The following ABCB4 variants were observed in gnomAD, a reference collection of about 807,000 sequenced individuals.
ABCB4 encodes the protein phosphatidylcholine translocator ABCB4.
In ABCB4, 76 loss-of-function variants were observed where a neutral mutation model predicts 145.7. The observed-to-expected ratio is 0.52, with a 90% CI of 0.43 to 0.63. ABCB4 has a LOEUF of 0.63. Among genes scored for constraint, ABCB4 ranks in the 30% least tolerant of loss-of-function variants. ABCB4 has a pLI of 0.00. For synonymous variants in ABCB4, 517 were observed against 566.8 expected, an observed-to-expected ratio of 0.91 and a Z score of 1.25; for missense variants, 1,234 against 1,553.1, an observed-to-expected ratio of 0.79 and a Z score of 3.45.
At position 87,403,167 on chromosome 7, in the gene ABCB4, C is replaced by T; in HGVS notation, c.3601G>A (p.Ala1201Thr). Residue 1201 changes from alanine (A) to threonine (T), a missense_variant, in exon 27 of 28, where the codon GCT becomes ACT. Around this residue, in one of 7 missense-constraint regions of ABCB4, gnomAD observed 6 missense variants for 31.3 expected, o/e 0.19. Coordinates refer to ENST00000649586, the MANE Select transcript of ABCB4 (RefSeq NM_000443.4). ...CTTTCAGTATCCAGAGCTGATGTAG[C>T]TTCATCCAACAGGAGGATTTGAGGT... ...RQPQILLLDE[A>T]TSALDTESEK... The T allele has an allele frequency of 1.2e-6, 2 of 1,614,058 alleles. No homozygotes were observed. The highest frequency in any genetic ancestry group is 1.7e-6 in the Non-Finnish European group (2 of 1,179,962).
intron 8 of ABCB4, 127 bp downstream of exon 8, chr7:87,449,841 G>A (rs1469502967): frequency 9.3e-6 from 13 of 1,396,218 alleles, no homozygotes; most frequent in Non-Finnish European, 1.3e-5. Flanking sequence ...TCAGTAAAGG[G>A]TGCTTATAAT....
chr7:87,444,956 A>G lies in ABCB4; in HGVS notation c.1025T>C (p.Ile342Thr). 3.7e-6 allele frequency: 6 copies of G among 1,603,552 alleles called. No individual in the cohort carries two copies. The highest frequency in any genetic ancestry group is 3.3e-5 in the South Asian group (3 of 90,794). ...NAMTVFFSILIGAFSVGQAAP... is the reference protein window; with the variant it reads ...NAMTVFFSILTGAFSVGQAAP... ...AGCCTGGCCAACACTGAAAGCTCCAATTAGGATTGAAAAAAAAACCTGAGC... is the reference window on the plus strand; with the variant it reads ...AGCCTGGCCAACACTGAAAGCTCCAGTTAGGATTGAAAAAAAAACCTGAGC... The change falls in exon 10 of 28, where the codon ATT becomes ACT. Residue 342 changes from isoleucine (I) to threonine (T), a missense_variant. Physicochemically the swap from Ile to Thr is moderately conservative, Grantham distance 89. This residue lies in a region of ABCB4 where 467 missense variants were observed against 632.8 expected (regional missense o/e 0.74). Coordinates refer to ENST00000649586, the MANE Select transcript of ABCB4 (RefSeq NM_000443.4).
At chr7:87,467,194 G>A (rs912805681) in intron 3 of ABCB4, among the ~76,000 whole-genome samples, 1 of 152,146 alleles carries the variant, frequency 6.6e-6, no homozygotes, top group Non-Finnish European at 1.5e-5. Context: ...AAAAGAAAGG[G>A]ATGGAGGAAG....
At chr7:87,374,377 C>T in the ABCB4 span, among the ~76,000 whole-genome samples, 14 of 151,826 alleles carry the variant, frequency 9.2e-5, no homozygotes, top group African/African-American at 2.9e-4. Context: ...CCTTGTAAAA[C>T]GAACATGAAA....
At position 87,463,232 on chromosome 7, in the gene ABCB4, A is replaced by G. The variant is rs545053091; in HGVS notation, c.136-324T>C. ...GTGGTAATAAAGAACGGCTAGGGAA[A>G]GACATTAAGTTTAAACACACACACA... On this transcript the variant is annotated intron_variant, in intron 3 of 27. Transcript: ENST00000649586. Among the ~76,000 whole-genome samples, 6 of 145,162 alleles carry G rather than the reference A, an allele frequency of 4.1e-5. No individual in the cohort carries two copies. In the East Asian group the frequency reaches 1.2e-3, roughly 29 times the overall value.
intron 3 of ABCB4, among the ~76,000 whole-genome samples, chr7:87,467,249 C>T (rs1053932968): frequency 1.3e-5 from 2 of 152,138 alleles, no homozygotes; most frequent in Non-Finnish European, 2.9e-5. Flanking sequence ...GGATTGCAAT[C>T]CTAGTCTCTG....
At chr7:87,392,577 G>T in the ABCB4 span, 1 of 1,612,966 alleles carries the variant, frequency 6.2e-7, no homozygotes, top group South Asian at 1.1e-5. Flanking sequence ...TTCGTGAGCG[G>T]CAGCAAAAGA....
chr7:87,378,907 C>T, the ABCB4 span, among the ~76,000 whole-genome samples: 6,955 of 152,262 alleles, frequency 0.046, 209 homozygotes, highest in Middle Eastern at 0.061. Flanking sequence ...AAGTAAATGT[C>T]TATTGGAGTA....
chr7:87,471,937 T>C (rs1463479750), intron 3 of ABCB4, among the ~76,000 whole-genome samples: 1 of 152,250 alleles, frequency 6.6e-6, no homozygotes, highest in African/African-American at 2.4e-5. Flanking sequence ...AATTACTTTC[T>C]TGAAATGCAA....
At chr7:87,461,733 G>A (rs1199912811) in intron 4 of ABCB4, among the ~76,000 whole-genome samples, 3 of 152,018 alleles carry the variant, frequency 2.0e-5, no homozygotes, top group South Asian at 2.1e-4. Flanking sequence ...ATTTTTAAAA[G>A]GCATTAATAT....
the ABCB4 span, among the ~76,000 whole-genome samples, chr7:87,385,345 T>G: frequency 6.6e-6 from 1 of 152,170 alleles, no homozygotes; most frequent in African/African-American, 2.4e-5. Flanking sequence ...GTCTTTCCAT[T>G]TTTTGGTGTT....
the ABCB4 span, chr7:87,382,652 G>C: frequency 2.7e-6 from 3 of 1,097,056 alleles, no homozygotes; most frequent in South Asian, 1.6e-5. Context: ...TTTTTTCCCA[G>C]CTGGTACTGT....
At chr7:87,462,550 G>T (rs1773307119) in intron 4 of ABCB4, among the ~76,000 whole-genome samples, 1 of 152,080 alleles carries the variant, frequency 6.6e-6, no homozygotes, top group Non-Finnish European at 1.5e-5. Context: ...TGTATTAAAA[G>T]TCAAACAACA....
intron 23 of ABCB4, 84 bp from the exon 24 acceptor site, chr7:87,409,476 A>T: frequency 7.0e-7 from 1 of 1,428,952 alleles, no homozygotes; most frequent in Non-Finnish European, 9.8e-7. Flanking sequence ...AGTGCTTACC[A>T]GTATTTTTTC....
intron 10 of ABCB4, among the ~76,000 whole-genome samples, chr7:87,444,511 T>C (rs1811209232): frequency 6.6e-6 from 1 of 152,122 alleles, no homozygotes; most frequent in African/African-American, 2.4e-5. Context: ...CGATAATTTA[T>C]CTACCCCCCA....
chr7:87,417,580 GC>G lies in ABCB4; in HGVS notation c.2479-66del, dbSNP rs5885584. 112,533 of 1,360,432 alleles carry G rather than the reference GC, an allele frequency of 0.083. 5,608 individuals are homozygous for G. The highest frequency in any genetic ancestry group is 0.18 in the African/African-American group (12,291 of 69,704). The allele number at this position is 1,360,432 out of a possible 1,614,324, so 84.3% of individuals were successfully genotyped here. On this transcript the variant is annotated intron_variant, in intron 20 of 27. Transcript: ENST00000649586. ...TCCAAATGCATGCGCTCCAGCCTTAGCCTCTTGGTCAGAATGATGAGTGGGT... is the reference window on the plus strand; with the variant it reads ...TCCAAATGCATGCGCTCCAGCCTTAGCTCTTGGTCAGAATGATGAGTGGGT...
chr7:87,429,774 T>C (rs1810075541), intron 15 of ABCB4, among the ~76,000 whole-genome samples: 1 of 152,168 alleles, frequency 6.6e-6, no homozygotes, highest in Non-Finnish European at 1.5e-5. Context: ...TTCCCTCCAC[T>C]GTAGAACACC....
chr7:87,403,203 G>C lies in ABCB4; in HGVS notation c.3565C>G (p.Leu1189Val), dbSNP rs766672265. Reference protein sequence around the residue: ...QKQRIAIARALIRQPQILLLD... With the variant: ...QKQRIAIARAVIRQPQILLLD... ...AGGAGGATTTGAGGTTGTCTGATGA[G>C]GGCTCGGGCAATAGCAATCCTCTGT... is the stretch of plus-strand genomic sequence containing the variant. Residue 1189 changes from leucine to valine, a missense_variant, in exon 27 of 28, where the codon CTC becomes GTC. Around this residue, in one of 7 missense-constraint regions of ABCB4, gnomAD observed 301 missense variants for 389.0 expected, o/e 0.77. Transcript: ENST00000649586. 6.3e-5 allele frequency: 101 copies of C among 1,613,920 alleles called. 1 individual carries two copies. Among genetic ancestry groups the C allele is most frequent in the Non-Finnish European group, 8.0e-5 (94 of 1,179,964 alleles).
At chr7:87,436,809 T>C (rs574704272) in intron 14 of ABCB4, among the ~76,000 whole-genome samples, 1 of 152,280 alleles carries the variant, frequency 6.6e-6, no homozygotes, top group South Asian at 2.1e-4. Flanking sequence ...CTCATCCTTT[T>C]TGAATGAGTA....
Sources: gnomAD v4.1 joint callset for allele counts (sites outside exome capture counted in the v4.1 genomes callset) on GRCh38, gnomAD v4.1.1 for gene constraint, gnomAD v4.1.1 regional missense constraint, MANE v1.5 for transcripts, NCBI Gene and HGNC (gene_info 2026-07-23, HGNC 2026-07-21) for gene names.